Variants in RCOR1 observed in about 807,000 individuals in gnomAD.
The protein encoded by RCOR1 is REST corepressor.
Under a neutral mutation model 64.0 loss-of-function variants are expected in RCOR1, and 12 were observed. The ratio of observed to expected loss-of-function variants is 0.19; its 90% confidence interval spans 0.12 to 0.30. RCOR1 has a LOEUF of 0.30. Ranked by LOEUF, RCOR1 falls within the 10% of genes least tolerant of loss-of-function variation. RCOR1 has a pLI of 1.00. For missense variants in RCOR1, 502 were observed against 621.2 expected (o/e 0.81, Z 2.04); for synonymous variants, 279 against 227.2 (o/e 1.23, Z -2.05).
intron 2 of RCOR1, among the ~76,000 whole-genome samples, chr14:102,677,754 C>T (rs1376696920): frequency 4.0e-4 from 56 of 141,324 alleles, no homozygotes; most frequent in Non-Finnish European, 7.7e-4. Context: ...ATATCCCAGA[C>T]GATGGGGGGC....
intron 2 of RCOR1, among the ~76,000 whole-genome samples, chr14:102,673,974 ACTAT>A (rs367746391): frequency 8.3e-4 from 126 of 152,328 alleles, no homozygotes; most frequent in African/African-American, 2.7e-3. Context: ...TTCTGTAGTA[ACTAT>A]CTATGTTATT....
intron 2 of RCOR1, among the ~76,000 whole-genome samples, chr14:102,625,231 CTTT>C (rs61403856): frequency 2.5e-5 from 2 of 79,176 alleles, no homozygotes; most frequent in African/African-American, 5.2e-5. Context: ...TATCTTGTTA[CTTT>C]TTTTTTTTTT....
chr14:102,628,843 C>T (rs1463209823), intron 2 of RCOR1, among the ~76,000 whole-genome samples: 2 of 152,112 alleles, frequency 1.3e-5, no homozygotes, highest in Admixed American at 1.3e-4. Context: ...CGTGAGGCAC[C>T]ACGCTCGGCC....
chr14:102,656,974 C>A, intron 2 of RCOR1: 1 of 396,030 alleles, frequency 2.5e-6, no homozygotes, highest in Non-Finnish European at 3.4e-6. Flanking sequence ...GGGGTTTCAC[C>A]ATGTTGGCCA....
intron 2 of RCOR1, among the ~76,000 whole-genome samples, chr14:102,645,351 G>T (rs1175989813): frequency 6.6e-6 from 1 of 152,064 alleles, no homozygotes; most frequent in Admixed American, 6.5e-5. Context: ...TTTGAGAATT[G>T]TTTCTTTTTT....
At chr14:102,680,401 C>A (rs1895279794) in intron 2 of RCOR1, among the ~76,000 whole-genome samples, 1 of 152,082 alleles carries the variant, frequency 6.6e-6, no homozygotes, top group African/African-American at 2.4e-5. Flanking sequence ...ACTTATTTGT[C>A]TTTGTATTCC....
intron 2 of RCOR1, among the ~76,000 whole-genome samples, chr14:102,631,651 C>T (rs911983807): frequency 5.3e-5 from 8 of 152,068 alleles, no homozygotes; most frequent in Non-Finnish European, 8.8e-5. Flanking sequence ...ATAGGTGTGA[C>T]CTTGAATCTT....
chr14:102,707,279 C>G (rs529089748), intron 4 of RCOR1, 72 bp from the exon 5 acceptor site: 1,207 of 1,113,456 alleles, frequency 1.1e-3, no homozygotes, highest in East Asian at 2.2e-3. Flanking sequence ...TTTTACTTTT[C>G]TTTTGCTGGT....
intron 2 of RCOR1, among the ~76,000 whole-genome samples, chr14:102,678,385 C>T (rs547646468): frequency 3.2e-4 from 48 of 152,068 alleles, no homozygotes; most frequent in African/African-American, 1.0e-3. Flanking sequence ...CTGCAAGCTC[C>T]GCCTCCTGGG....
intron 4 of RCOR1, among the ~76,000 whole-genome samples, chr14:102,705,457 T>C (rs1033948279): frequency 2.0e-5 from 3 of 152,220 alleles, no homozygotes; most frequent in Admixed American, 6.5e-5. Context: ...TTGTTTGTTT[T>C]GTTTTGAGAC....
chr14:102,723,708 C>T (rs1243407479), intron 11 of RCOR1, among the ~76,000 whole-genome samples: 1 of 152,164 alleles, frequency 6.6e-6, no homozygotes, highest in Non-Finnish European at 1.5e-5. Context: ...CCTGTTAGCA[C>T]TCAGTTTCGG....
At chr14:102,660,020 A>G (rs1304534138) in intron 2 of RCOR1, among the ~76,000 whole-genome samples, 3 of 152,232 alleles carry the variant, frequency 2.0e-5, no homozygotes, top group East Asian at 1.9e-4. Flanking sequence ...TTAGCCAAGC[A>G]GCTTATGCAT....
intron 2 of RCOR1, among the ~76,000 whole-genome samples, chr14:102,676,077 CAGAACAAAATGAAA>C (rs1038356831): frequency 4.1e-5 from 6 of 144,852 alleles, no homozygotes; most frequent in Non-Finnish European, 9.0e-5. Flanking sequence ...TTTCTTAGTA[CAGAACAAAATGAAA>C]AGTCTCCCAT....
At chr14:102,676,896 G>T in intron 2 of RCOR1, among the ~76,000 whole-genome samples, 1 of 115,352 alleles carries the variant, frequency 8.7e-6, no homozygotes, top group African/African-American at 3.8e-5. Context: ...CGGCTGGCCG[G>T]GCGGGGGGCT....
At chr14:102,629,387 C>A (rs12884619) in intron 2 of RCOR1, among the ~76,000 whole-genome samples, 103,393 of 151,262 alleles carry the variant, frequency 0.68, 35,566 homozygotes, top group South Asian at 0.73. Flanking sequence ...TTCAACTAGA[C>A]GGTAAACTGT....
intron 2 of RCOR1, among the ~76,000 whole-genome samples, chr14:102,635,375 G>C (rs1437822374): frequency 6.6e-6 from 1 of 152,044 alleles, no homozygotes; most frequent in Non-Finnish European, 1.5e-5. Context: ...GTCATGGCAG[G>C]TGCCTGTATT....
chr14:102,621,986 C>G (rs752494670), intron 2 of RCOR1, among the ~76,000 whole-genome samples: 1 of 152,116 alleles, frequency 6.6e-6, no homozygotes, highest in Non-Finnish European at 1.5e-5. Flanking sequence ...CCCCTCTCCC[C>G]GCAAAGAGAA....
intron 2 of RCOR1, among the ~76,000 whole-genome samples, chr14:102,668,601 C>T (rs1032987324): frequency 6.6e-6 from 1 of 152,134 alleles, no homozygotes; most frequent in Non-Finnish European, 1.5e-5. Flanking sequence ...TTCTTGCCTG[C>T]CTTTTTATTT....
intron 2 of RCOR1, among the ~76,000 whole-genome samples, chr14:102,660,922 T>C (rs1336478385): frequency 6.6e-6 from 1 of 152,198 alleles, no homozygotes; most frequent in Non-Finnish European, 1.5e-5. Context: ...TTCAGATTAG[T>C]TTTTAAAAAG....
Sources: allele counts gnomAD v4.1 joint callset (sites outside exome capture counted in the v4.1 genomes callset), GRCh38; gene constraint gnomAD v4.1.1; transcripts MANE v1.5; gene names NCBI Gene and HGNC (gene_info 2026-07-23, HGNC 2026-07-21).